Variants in FNIP1 observed in about 807,000 individuals in gnomAD.
The protein encoded by FNIP1 is folliculin interacting protein 1, also known as folliculin-interacting protein 1.
FNIP1 carries 40 observed loss-of-function variants against 124.5 expected under a neutral mutation model. The observed-to-expected ratio is 0.32, with a 90% CI of 0.25 to 0.42. FNIP1 has a LOEUF of 0.42. FNIP1 is among the 10% of genes least tolerant of loss of function. The probability of loss-of-function intolerance (pLI) is 1.00; values close to 1 mark genes in which losing one functional copy is unlikely to be tolerated. For missense variants in FNIP1, 1,176 were observed against 1,403.7 expected, an observed-to-expected ratio of 0.84 and a Z score of 2.59; for synonymous variants, 472 against 470.6, an observed-to-expected ratio of 1.00 and a Z score of -0.04.
chr5:131,714,057 G>A (rs970364520), intron 6 of FNIP1, among the ~76,000 whole-genome samples: 2 of 152,202 alleles, frequency 1.3e-5, no homozygotes, highest in African/African-American at 4.8e-5. Flanking sequence ...TGTTGATTAA[G>A]AACACCTGCT....
At chr5:131,749,319 G>C (rs1162796192) in intron 1 of FNIP1, among the ~76,000 whole-genome samples, 2 of 151,430 alleles carry the variant, frequency 1.3e-5, no homozygotes, top group Admixed American at 1.3e-4. Context: ...GACTCACCCA[G>C]TAACTTCCAG....
At chr5:131,757,636 A>C (rs1482841361) in intron 1 of FNIP1, among the ~76,000 whole-genome samples, 2 of 138,058 alleles carry the variant, frequency 1.4e-5, no homozygotes, top group African/African-American at 5.5e-5. Context: ...TCTGAAGGCC[A>C]AAAAAAAAAA....
At chr5:131,680,605 A>G (rs953777983) in intron 11 of FNIP1, among the ~76,000 whole-genome samples, 2 of 152,116 alleles carry the variant, frequency 1.3e-5, no homozygotes, top group African/African-American at 2.4e-5. Context: ...GAAAACAGAT[A>G]AACTAGTGCA....
intron 3 of FNIP1, among the ~76,000 whole-genome samples, chr5:131,724,610 T>C (rs1769792208): frequency 6.6e-6 from 1 of 152,204 alleles, no homozygotes; most frequent in South Asian, 2.1e-4. Flanking sequence ...TATTAGCCCT[T>C]TGTCAGATGG....
chr5:131,770,558 G>C (rs1771595982), intron 1 of FNIP1, among the ~76,000 whole-genome samples: 1 of 152,152 alleles, frequency 6.6e-6, no homozygotes, highest in Admixed American at 6.6e-5. Flanking sequence ...CTGAAACCAA[G>C]AATCATTCCT....
intron 1 of FNIP1, among the ~76,000 whole-genome samples, chr5:131,771,619 T>C (rs1367315791): frequency 1.3e-5 from 2 of 152,158 alleles, no homozygotes; most frequent in Admixed American, 1.3e-4. Context: ...TCCTCTCAAT[T>C]CACTTATAAC....
At chr5:131,793,694 G>A (rs1772484656) in intron 1 of FNIP1, among the ~76,000 whole-genome samples, 1 of 152,154 alleles carries the variant, frequency 6.6e-6, no homozygotes, top group East Asian at 1.9e-4. Context: ...TTTATCGGAA[G>A]TCTCTCCTAT....
intron 6 of FNIP1, among the ~76,000 whole-genome samples, chr5:131,712,568 T>C (rs369448708): frequency 3.5e-4 from 54 of 152,286 alleles, no homozygotes; most frequent in East Asian, 2.7e-3. Context: ...ATCCACAAAT[T>C]AAGGAGATTT....
At chr5:131,783,968 A>G (rs1772080174) in intron 1 of FNIP1, among the ~76,000 whole-genome samples, 1 of 151,888 alleles carries the variant, frequency 6.6e-6, no homozygotes, top group South Asian at 2.1e-4. Flanking sequence ...CCAAAGAGGA[A>G]GAAGCCATGG....
intron 13 of FNIP1, among the ~76,000 whole-genome samples, chr5:131,676,738 C>A (rs558785338): frequency 1.3e-5 from 2 of 152,086 alleles, no homozygotes; most frequent in Admixed American, 1.3e-4. Flanking sequence ...TCAGCCTGGG[C>A]AAAAGAGTGA....
At chr5:131,647,972 AAC>A (rs1251408887) in intron 16 of FNIP1, among the ~76,000 whole-genome samples, 1 of 151,942 alleles carries the variant, frequency 6.6e-6, no homozygotes, top group Non-Finnish European at 1.5e-5. Flanking sequence ...GAGAATAAAA[AAC>A]AGTTTGCAAA....
intron 3 of FNIP1, among the ~76,000 whole-genome samples, chr5:131,722,935 T>G (rs559992747): frequency 2.0e-5 from 3 of 152,144 alleles, no homozygotes; most frequent in Non-Finnish European, 2.9e-5. Flanking sequence ...CCACCTACCT[T>G]GGCCTCCCAA....
chr5:131,725,369 T>G (rs1769825629), intron 3 of FNIP1, among the ~76,000 whole-genome samples: 1 of 152,150 alleles, frequency 6.6e-6, no homozygotes, highest in Admixed American at 6.6e-5. Context: ...TATCCTCTCT[T>G]TTTCCTTGAG....
intron 2 of FNIP1, among the ~76,000 whole-genome samples, chr5:131,737,932 G>A (rs1164203513): frequency 6.6e-6 from 1 of 152,218 alleles, no homozygotes; most frequent in African/African-American, 2.4e-5. Context: ...TTTCGTGCAA[G>A]ACAATTTTTC....
At chr5:131,781,179 T>C (rs1004667500) in intron 1 of FNIP1, among the ~76,000 whole-genome samples, 4 of 152,190 alleles carry the variant, frequency 2.6e-5, no homozygotes, top group South Asian at 2.1e-4. Context: ...CTATGAAGTC[T>C]GAGAGAGGTG....
rs565033530 is a variant in FNIP1, at chr5:131,747,110, G to C, written c.93-2420C>G. On this transcript the variant is annotated intron_variant, in intron 1 of 17. Transcript: ENST00000510461. ...TGTCTGTTCATATATTTTGCCCACTGTTTATTGGGGTTGTTTTTTGCTTGT... is the reference window on the plus strand; with the variant it reads ...TGTCTGTTCATATATTTTGCCCACTCTTTATTGGGGTTGTTTTTTGCTTGT... Among the ~76,000 whole-genome samples, 59 of 152,152 alleles carry C rather than the reference G, an allele frequency of 3.9e-4. No individual in the cohort carries two copies. In the South Asian group the frequency reaches 0.01, roughly 26 times the overall value.
At chr5:131,731,064 T>C (rs377564201) in intron 2 of FNIP1, 26 bp from the exon 3 acceptor site, 2 of 1,582,178 alleles carry the variant, frequency 1.3e-6, no homozygotes, top group African/African-American at 1.4e-5. Flanking sequence ...TTTCCACTCA[T>C]GTTTTAACAG....
In FNIP1 at chr5:131,706,524, G is replaced by C. The variant is rs754108726; in HGVS notation, c.801C>G (p.Ile267Met). 1.2e-6 allele frequency: 2 copies of C among 1,605,408 alleles called. No homozygotes were observed. The highest frequency in any genetic ancestry group is 1.7e-6 in the Non-Finnish European group (2 of 1,175,562). ...AGGAGTTTGGGGAAGGAAATGGAGT[G>C]ATCAGCAAGCTGCTGAGAGATGCTG... The part of the protein sequence containing the change: ...ARSASLSSLL[I>M]TPFPSPNSSL... The change falls in exon 9 of 18, where the codon ATC becomes ATG. Residue 267 changes from isoleucine (I) to methionine (M), a missense_variant. By Grantham distance (10) the Ile-to-Met change is conservative (BLOSUM62 1). Transcript: ENST00000510461.
intron 8 of FNIP1, among the ~76,000 whole-genome samples, chr5:131,708,486 G>A (rs1769187362): frequency 6.6e-6 from 1 of 152,120 alleles, no homozygotes; most frequent in South Asian, 2.1e-4. Context: ...GCTTTTGCCT[G>A]GATAACTGCT....
Sources: gnomAD v4.1 joint callset for allele counts (sites outside exome capture counted in the v4.1 genomes callset) on GRCh38, gnomAD v4.1.1 for gene constraint, MANE v1.5 for transcripts, NCBI Gene and HGNC (gene_info 2026-07-23, HGNC 2026-07-21) for gene names.